Variants in RREB1 observed in about 807,000 individuals in gnomAD.
RREB1 encodes ras-responsive element-binding protein 1.
In RREB1, 27 loss-of-function variants were observed where a neutral mutation model predicts 117.8. The ratio of observed to expected loss-of-function variants is 0.23; its 90% CI spans 0.17 to 0.32. RREB1 has a LOEUF of 0.32. RREB1 is among the 10% of genes least tolerant of loss of function. The pLI, the probability that RREB1 is intolerant of heterozygous loss-of-function variation, is 1.00. For synonymous variants in RREB1, 1,298 were observed against 1,026.7 expected, an observed-to-expected ratio of 1.26 and a Z score of -5.05; for missense variants, 2,577 against 2,378.2, an observed-to-expected ratio of 1.08 and a Z score of -1.74.
intron 1 of RREB1, among the ~76,000 whole-genome samples, chr6:7,139,070 C>T (rs1205333228): frequency 6.6e-6 from 1 of 152,162 alleles, no homozygotes; most frequent in African/African-American, 2.4e-5. Context: ...TGTTAACACT[C>T]CTGTAAGGCC....
At chr6:7,221,556 C>T (rs1767261757) in intron 8 of RREB1, among the ~76,000 whole-genome samples, 2 of 152,234 alleles carry the variant, frequency 1.3e-5, no homozygotes, top group Non-Finnish European at 2.9e-5. Flanking sequence ...TCTTCTCTGC[C>T]ACTTTCATGT....
Position 7,229,945 on chromosome 6 carries a change from C to G in RREB1, c.1846C>G (p.Gln616Glu), listed in dbSNP as rs1440120455. Residue 616 changes from glutamine to glutamate, a missense_variant, in exon 10 of 13, where the codon CAG becomes GAG. Coordinates refer to ENST00000379938, the MANE Select transcript of RREB1 (RefSeq NM_001003699.4). The surrounding 1 kb of genome is among the most constrained non-coding windows in gnomAD (Gnocchi z 4.5). ...GCTGAGCATGGAGGCCAAGATCAAG[C>G]AGGAGATCACAGAGGGGGAACTCAA... Reference protein sequence around the residue: ...LPLSMEAKIKQEITEGELKAF... With the variant: ...LPLSMEAKIKEEITEGELKAF... 1.9e-6 allele frequency: 3 copies of G among 1,600,328 alleles called. No homozygotes were observed. In the Admixed American group the frequency reaches 5.1e-5, roughly 27 times the overall value.
chr6:7,229,126 C>A lies in RREB1; in HGVS notation c.1027C>A (p.Gln343Lys), dbSNP rs1433586178. 1.2e-6 allele frequency: 2 copies of A among 1,608,758 alleles called. No homozygotes were observed. Among genetic ancestry groups the A allele is most frequent in the Non-Finnish European group, 1.7e-6 (2 of 1,175,996 alleles). The change falls in exon 10 of 13, where the codon CAG becomes AAG. Residue 343 changes from glutamine to lysine, a missense_variant. Physicochemically the swap from Gln to Lys is moderately conservative, Grantham distance 53. Coordinates refer to ENST00000379938, the MANE Select transcript of RREB1 (RefSeq NM_001003699.4). This position sits in a 1 kb window ranked among gnomAD's most constrained non-coding sequence, Gnocchi z 4.5. ...CAAGCAGACCCATGTGGCGGCAGAC[C>A]AGGGTCAAGAAAAGCCGCAGGCCAC... is the stretch of plus-strand genomic sequence containing the variant. ...LHKQTHVAADQGQEKPQATPL... is the reference protein window; with the variant it reads ...LHKQTHVAADKGQEKPQATPL...
chr6:7,206,851 A>G (rs1766303815), intron 6 of RREB1, among the ~76,000 whole-genome samples: 1 of 152,114 alleles, frequency 6.6e-6, no homozygotes, highest in Non-Finnish European at 1.5e-5. Context: ...GGCGGGAACT[A>G]GTTGGATGCA....
At chr6:7,165,710 G>T (rs545243005) in intron 1 of RREB1, among the ~76,000 whole-genome samples, 1 of 152,300 alleles carries the variant, frequency 6.6e-6, no homozygotes, top group South Asian at 2.1e-4. Flanking sequence ...AGCAGGCAGG[G>T]CGGCTGTGCT....
Position 7,230,475 on chromosome 6 carries a change from C to G in RREB1, c.2376C>G (p.Cys792Trp), listed in dbSNP as rs755051284. ...ACAAGGGCCGCAAGCCCTTCGAGTG[C>G]AAGGAGTGCAGCGCCGCGTTCGCGG... is the stretch of plus-strand genomic sequence containing the variant. The part of the protein sequence containing the change: ...GGHKGRKPFE[C>W]KECSAAFAAK... The change falls in exon 10 of 13, where the codon TGC becomes TGG. Residue 792 changes from cysteine (C) to tryptophan (W), a missense_variant. By Grantham distance (215) the Cys-to-Trp change is radical. Coordinates refer to ENST00000379938, the MANE Select transcript of RREB1 (RefSeq NM_001003699.4). 1.3e-6 allele frequency: 2 copies of G among 1,594,552 alleles called. No homozygotes were observed. The highest frequency in any genetic ancestry group is 1.7e-6 in the Non-Finnish European group (2 of 1,177,418).
intron 1 of RREB1, among the ~76,000 whole-genome samples, chr6:7,134,637 A>G (rs753134665): frequency 3.3e-5 from 5 of 152,246 alleles, no homozygotes; most frequent in Admixed American, 6.5e-5. Context: ...TATTAAATAC[A>G]GCAGCATTTT....
chr6:7,172,691 T>TGGGG (rs147465069), intron 1 of RREB1, among the ~76,000 whole-genome samples: 2 of 135,064 alleles, frequency 1.5e-5, no homozygotes, highest in East Asian at 2.2e-4. Flanking sequence ...GTTGCCGGTG[T>TGGGG]GGGGGGGTGG....
intron 6 of RREB1, among the ~76,000 whole-genome samples, chr6:7,193,054 G>A (rs951932095): frequency 6.6e-6 from 1 of 152,130 alleles, no homozygotes; most frequent in Non-Finnish European, 1.5e-5. Flanking sequence ...TGGTTATTTA[G>A]AAATGTGGTC....
chr6:7,114,650 C>T (rs1488837416), intron 1 of RREB1, among the ~76,000 whole-genome samples: 2 of 152,116 alleles, frequency 1.3e-5, no homozygotes, highest in African/African-American at 2.4e-5. Context: ...CCACTGGGTG[C>T]GCTGCCTGTA....
At position 7,248,827 on chromosome 6, in the gene RREB1, G is replaced by T. The variant is rs376629401; in HGVS notation, c.5088G>T (p.Pro1696=). The T allele has an allele frequency of 1.9e-6, 3 of 1,612,432 alleles. No homozygotes were observed. Among genetic ancestry groups the T allele is most frequent in the Admixed American group, 3.3e-5 (2 of 59,886 alleles). Residue 1696 remains proline, a synonymous_variant, in exon 13 of 13, where the codon CCG becomes CCT. Transcript: ENST00000379938. Reference sequence around the variant, plus strand: ...AGGAGAAGGTCACGGCAGGGTGGCCGTCTGAGCCTGGCCAGGGTGACCTTA... The same window carrying T: ...AGGAGAAGGTCACGGCAGGGTGGCCTTCTGAGCCTGGCCAGGGTGACCTTA... ...HREEKVTAGW[P]SEPGQGDLNP...
At chr6:7,188,566 A>G (rs976109236) in intron 5 of RREB1, among the ~76,000 whole-genome samples, 2 of 152,118 alleles carry the variant, frequency 1.3e-5, no homozygotes, top group Non-Finnish European at 2.9e-5. Context: ...TGCTGTGGCC[A>G]ATTCATGACA....
chr6:7,129,842 G>A (rs1762079350), intron 1 of RREB1, among the ~76,000 whole-genome samples: 1 of 152,136 alleles, frequency 6.6e-6, no homozygotes, highest in Non-Finnish European at 1.5e-5. Flanking sequence ...CCCCTTTTTG[G>A]TGCTTGTTTA....
chr6:7,200,244 A>ATGTGTGTGTGTGTG (rs70978945), intron 6 of RREB1, among the ~76,000 whole-genome samples: 1,497 of 129,354 alleles, frequency 0.012, 31 homozygotes, highest in Middle Eastern at 0.053. Context: ...ATGTGTGTAT[A>ATGTGTGTGTGTGTG]TGTGTGTGTG....
chr6:7,188,061 T>G (rs1765177698), intron 5 of RREB1, among the ~76,000 whole-genome samples: 2 of 152,094 alleles, frequency 1.3e-5, no homozygotes, highest in South Asian at 4.1e-4. Flanking sequence ...CCCAGTTACT[T>G]GGGAGGCTGA....
chr6:7,179,057 T>C (rs1163350555), intron 2 of RREB1, among the ~76,000 whole-genome samples: 1 of 152,256 alleles, frequency 6.6e-6, no homozygotes, highest in Non-Finnish European at 1.5e-5. Context: ...GAATTTTTAC[T>C]GGCAATTTGG....
chr6:7,188,383 T>C (rs1444382115), intron 5 of RREB1, among the ~76,000 whole-genome samples: 1 of 151,988 alleles, frequency 6.6e-6, no homozygotes, highest in Non-Finnish European at 1.5e-5. Flanking sequence ...CCCAAGTAGC[T>C]GGGATTACAG....
chr6:7,229,063 G>A lies in RREB1; in HGVS notation c.964G>A (p.Asp322Asn). Reference sequence around the variant, plus strand: ...ACACCGTTTTGTCTGCGACACCTGTGACAAGGCGTTCCCCATGCTCTGCTC... The same window carrying A: ...ACACCGTTTTGTCTGCGACACCTGTAACAAGGCGTTCCCCATGCTCTGCTC... ...EQHRFVCDTC[D>N]KAFPMLCSLA... The change falls in exon 10 of 13, where the codon GAC (aspartate) becomes AAC (asparagine). Residue 322 changes from aspartate to asparagine, a missense_variant. By Grantham distance (23) the Asp-to-Asn change is conservative. Transcript: ENST00000379938. This position sits in a 1 kb window ranked among gnomAD's most constrained non-coding sequence, Gnocchi z 4.5. 3 of 1,569,538 alleles carry A rather than the reference G, an allele frequency of 1.9e-6. No individual in the cohort carries two copies. The highest frequency in any genetic ancestry group is 1.7e-6 in the Non-Finnish European group (2 of 1,152,820).
At chr6:7,190,072 T>C (rs1486448834) in intron 6 of RREB1, among the ~76,000 whole-genome samples, 1 of 152,218 alleles carries the variant, frequency 6.6e-6, no homozygotes, top group Non-Finnish European at 1.5e-5. Flanking sequence ...ATAAAATTGA[T>C]ATGCTAGTTA....
Sources: allele counts gnomAD v4.1 joint callset (sites outside exome capture counted in the v4.1 genomes callset), GRCh38; gene constraint gnomAD v4.1.1; non-coding constraint Gnocchi (gnomAD v3.1); transcripts MANE v1.5; gene names NCBI Gene and HGNC (gene_info 2026-07-23, HGNC 2026-07-21).